The following RALGAPA2 variants were observed in gnomAD, a reference collection of about 807,000 sequenced individuals.
The protein encoded by RALGAPA2 is Ral GTPase activating protein catalytic subunit alpha 2, also known as ral GTPase-activating protein subunit alpha-2.
Under a neutral mutation model 230.4 loss-of-function variants are expected in RALGAPA2, and 139 were observed. The ratio of observed to expected loss-of-function variants is 0.60; its 90% CI spans 0.53 to 0.69. The LOEUF (loss-of-function observed/expected upper bound fraction) is 0.69. Ranked by LOEUF, RALGAPA2 falls within the 30% of genes least tolerant of loss-of-function variation. The pLI is 0.00. For missense variants in RALGAPA2, 2,163 were observed against 2,276.0 expected (o/e 0.95, Z 1.01); for synonymous variants, 847 against 837.8 (o/e 1.01, Z -0.19).
At chr20:20,503,550 G>A (rs2123690438) in intron 34 of RALGAPA2, 44 bp from the exon 35 acceptor site, 2 of 1,437,578 alleles carry the variant, frequency 1.4e-6, no homozygotes, top group Non-Finnish European at 1.8e-6. Flanking sequence ...TCAAAAATGA[G>A]CTGCTCTTTC....
intron 27 of RALGAPA2, 24 bp downstream of exon 27, chr20:20,531,663 A>C (rs2063370413): frequency 6.5e-7 from 1 of 1,534,276 alleles, no homozygotes; most frequent in African/African-American, 1.4e-5. Flanking sequence ...TTAATATCCA[A>C]TCAGCACCAC....
At chr20:20,399,467 G>A (rs1432037929) in intron 38 of RALGAPA2, among the ~76,000 whole-genome samples, 1 of 152,028 alleles carries the variant, frequency 6.6e-6, no homozygotes, top group Non-Finnish European at 1.5e-5. Context: ...TCTAAGAGTA[G>A]TTGAGTGAGA....
At chr20:20,573,626 T>A (rs1602881883) in intron 20 of RALGAPA2, among the ~76,000 whole-genome samples, 1 of 152,208 alleles carries the variant, frequency 6.6e-6, no homozygotes, top group African/African-American at 2.4e-5. Flanking sequence ...ATTCTCAGCC[T>A]CTTGCAACTA....
At chr20:20,694,300 G>T (rs887829250) in intron 1 of RALGAPA2, among the ~76,000 whole-genome samples, 1 of 152,146 alleles carries the variant, frequency 6.6e-6, no homozygotes, top group Non-Finnish European at 1.5e-5. Context: ...AAGTTGGTTT[G>T]TTTAAAAAGT....
At chr20:20,562,234 T>C (rs2064277776) in intron 23 of RALGAPA2, among the ~76,000 whole-genome samples, 1 of 152,074 alleles carries the variant, frequency 6.6e-6, no homozygotes, top group South Asian at 2.1e-4. Context: ...ACTGAGCATC[T>C]ACCCTCTCTG....
chr20:20,621,253 ACACAATTATAATG>A (rs2066312301), intron 10 of RALGAPA2, among the ~76,000 whole-genome samples: 1 of 152,342 alleles, frequency 6.6e-6, no homozygotes, highest in African/African-American at 2.4e-5. Context: ...TGGCTACAAA[ACACAATTATAATG>A]CACAACCTGG....
intron 23 of RALGAPA2, among the ~76,000 whole-genome samples, chr20:20,548,431 A>T (rs935611813): frequency 1.3e-5 from 2 of 152,196 alleles, no homozygotes; most frequent in Non-Finnish European, 2.9e-5. Flanking sequence ...AAATTACTGT[A>T]TAATGCTTAA....
chr20:20,699,896 T>C (rs1458060901), intron 1 of RALGAPA2, among the ~76,000 whole-genome samples: 1 of 152,186 alleles, frequency 6.6e-6, no homozygotes, highest in Non-Finnish European at 1.5e-5. Flanking sequence ...AAAGCAGTTT[T>C]GAGTTTCTCA....
chr20:20,481,554 T>C (rs1453799324), intron 36 of RALGAPA2, among the ~76,000 whole-genome samples: 3 of 152,248 alleles, frequency 2.0e-5, no homozygotes, highest in Non-Finnish European at 4.4e-5. Flanking sequence ...CTGTGATTTC[T>C]GTGTCCAGAT....
intron 10 of RALGAPA2, among the ~76,000 whole-genome samples, chr20:20,626,268 T>C (rs1052721257): frequency 6.6e-6 from 1 of 152,238 alleles, no homozygotes; most frequent in African/African-American, 2.4e-5. Context: ...AGCAATAAAA[T>C]GCAATTGTAA....
intron 15 of RALGAPA2, among the ~76,000 whole-genome samples, chr20:20,602,450 A>G (rs1042846613): frequency 2.0e-5 from 3 of 152,252 alleles, no homozygotes; most frequent in Admixed American, 2.0e-4. Flanking sequence ...AATTATTTCA[A>G]TGAGAGGCTA....
intron 16 of RALGAPA2, among the ~76,000 whole-genome samples, chr20:20,593,919 G>C (rs959651057): frequency 4.6e-5 from 7 of 152,222 alleles, no homozygotes; most frequent in African/African-American, 1.7e-4. Flanking sequence ...CTTCCCAACA[G>C]GCTGGCCTAA....
rs370735909 is a variant in RALGAPA2, at chr20:20,694,245, C to A, written c.107-13444G>T. ...AAAAGAACACAGGAGAGATATGGTACAAGTCACAGAACTTAATAGTTATTA... is the reference window on the plus strand; with the variant it reads ...AAAAGAACACAGGAGAGATATGGTAAAAGTCACAGAACTTAATAGTTATTA... On this transcript the variant is annotated intron_variant, in intron 1 of 39. Transcript: ENST00000202677. 4.0e-5 allele frequency among the ~76,000 whole-genome samples: 6 copies of A among 151,772 alleles called. No homozygotes were observed. In the East Asian group the frequency reaches 5.8e-4, roughly 15 times the overall value.
intron 32 of RALGAPA2, 88 bp from the exon 33 acceptor site, chr20:20,511,413 T>C (rs1420129307): frequency 6.8e-7 from 1 of 1,471,396 alleles, no homozygotes; most frequent in Non-Finnish European, 9.0e-7. Flanking sequence ...AAAATACCTA[T>C]CATCCATCCT....
chr20:20,629,612 T>G, intron 9 of RALGAPA2, 22 bp from the exon 10 acceptor site: 1 of 1,608,626 alleles, frequency 6.2e-7, no homozygotes, highest in Non-Finnish European at 8.5e-7. Flanking sequence ...TCAGCACACT[T>G]CTCAATGATG....
chr20:20,406,360 C>A (rs2059945529), intron 38 of RALGAPA2, among the ~76,000 whole-genome samples: 1 of 152,026 alleles, frequency 6.6e-6, no homozygotes, highest in Admixed American at 6.5e-5. Flanking sequence ...CAATGTTGTA[C>A]CATCTTTCCA....
chr20:20,689,916 C>T (rs2068841476), intron 1 of RALGAPA2, among the ~76,000 whole-genome samples: 2 of 152,146 alleles, frequency 1.3e-5, no homozygotes, highest in Non-Finnish European at 2.9e-5. Flanking sequence ...CAGCAAATCC[C>T]TTCCTGGATT....
intron 37 of RALGAPA2, among the ~76,000 whole-genome samples, chr20:20,467,445 T>C (rs2061442461): frequency 6.6e-6 from 1 of 152,228 alleles, no homozygotes; most frequent in Non-Finnish European, 1.5e-5. Flanking sequence ...GTTTCCAATT[T>C]TGGGTACATC....
rs1199974603 is a variant in RALGAPA2, at chr20:20,438,392, C to T, written c.5496-26244G>A. Among the ~76,000 whole-genome samples, 4 of 152,200 alleles carry T rather than the reference C, an allele frequency of 2.6e-5. No individual in the cohort carries two copies. The East Asian group carries it at 7.7e-4, about 29-fold the overall frequency. ...AGCATTTCACTATAACTGATGTACTCTGGAATCCTATATGCTTTATGTTCT... is the reference window on the plus strand; with the variant it reads ...AGCATTTCACTATAACTGATGTACTTTGGAATCCTATATGCTTTATGTTCT... On this transcript the variant is annotated intron_variant, in intron 37 of 39. Transcript: ENST00000202677.
Sources: gnomAD v4.1 joint callset for allele counts (sites outside exome capture counted in the v4.1 genomes callset) on GRCh38, gnomAD v4.1.1 for gene constraint, MANE v1.5 for transcripts, NCBI Gene and HGNC (gene_info 2026-07-23, HGNC 2026-07-21) for gene names.